The following DOCK1 variants were observed in gnomAD, a reference collection of about 807,000 sequenced individuals.
DOCK1 encodes dedicator of cytokinesis 1, also known as dedicator of cytokinesis protein 1.
Under a neutral mutation model 262.7 loss-of-function variants are expected in DOCK1, and 138 were observed. That is an observed-to-expected ratio of 0.53 (90% CI 0.46 to 0.61). The LOEUF (loss-of-function observed/expected upper bound fraction) is 0.61, where lower values mean the gene tolerates loss of function less well. DOCK1 is among the 20% of genes least tolerant of loss of function. The probability of loss-of-function intolerance (pLI) is 0.00; values close to 1 mark genes in which losing one functional copy is unlikely to be tolerated. For missense variants in DOCK1, 1,908 were observed against 2,370.7 expected, an observed-to-expected ratio of 0.80 and a Z score of 4.05; for synonymous variants, 866 against 867.4, an observed-to-expected ratio of 1.00 and a Z score of 0.03.
At chr10:126,907,433 T>C (rs1455791868) in intron 1 of DOCK1, among the ~76,000 whole-genome samples, 4 of 151,990 alleles carry the variant, frequency 2.6e-5, no homozygotes, top group Non-Finnish European at 5.9e-5. Context: ...CCATCACTGC[T>C]CCCATTCTAC....
chr10:127,169,741 C>A (rs2054390493), intron 27 of DOCK1, among the ~76,000 whole-genome samples: 1 of 152,154 alleles, frequency 6.6e-6, no homozygotes, highest in Non-Finnish European at 1.5e-5. Context: ...TAGGAGCTGA[C>A]CCTGAGCCCC....
chr10:127,101,412 A>C (rs960881184), intron 23 of DOCK1, among the ~76,000 whole-genome samples: 11 of 152,280 alleles, frequency 7.2e-5, no homozygotes, highest in Middle Eastern at 3.4e-3. Flanking sequence ...TCTGTCACCC[A>C]GGACTGATAG....
At chr10:127,351,776 G>A (rs953366695) in intron 31 of DOCK1, among the ~76,000 whole-genome samples, 1 of 152,060 alleles carries the variant, frequency 6.6e-6, no homozygotes, top group African/African-American at 2.4e-5. Context: ...TCTGGTGACA[G>A]CTGTGACTTT....
intron 23 of DOCK1, among the ~76,000 whole-genome samples, chr10:127,093,218 C>CTTTCTTTCTTTCTTTCTTTCTTTCTTTCT (rs1554883888): frequency 6.7e-5 from 3 of 44,506 alleles, no homozygotes; most frequent in African/African-American, 4.9e-4. Flanking sequence ...TTCTTTCTTT[C>CTTTCTTTCTTTCTTTCTTTCTTTCTTTCT]TTTTCTTTCT....
At chr10:127,256,733 C>T (rs938739872) in intron 28 of DOCK1, among the ~76,000 whole-genome samples, 1 of 152,146 alleles carries the variant, frequency 6.6e-6, no homozygotes, top group African/African-American at 2.4e-5. Flanking sequence ...GCGAAGTACA[C>T]AGCATCATCT....
intron 5 of DOCK1, among the ~76,000 whole-genome samples, chr10:126,989,892 A>G (rs1591552623): frequency 6.6e-6 from 1 of 152,278 alleles, no homozygotes; most frequent in Middle Eastern, 3.4e-3. Context: ...CCTCTTGCAG[A>G]AGTGTCTCTT....
chr10:127,255,102 T>C (rs566812074), intron 28 of DOCK1, among the ~76,000 whole-genome samples: 11 of 152,206 alleles, frequency 7.2e-5, no homozygotes, highest in Middle Eastern at 3.4e-3. Flanking sequence ...CTGTGAATAG[T>C]CAAACTAAAA....
chr10:127,112,401 G>T (rs547256025), intron 25 of DOCK1, among the ~76,000 whole-genome samples: 2 of 152,244 alleles, frequency 1.3e-5, no homozygotes, highest in African/African-American at 4.8e-5. Context: ...CGATGATTTT[G>T]TTAGCTTAGG....
chr10:127,358,946 C>T (rs2064277421), intron 32 of DOCK1, among the ~76,000 whole-genome samples: 1 of 152,112 alleles, frequency 6.6e-6, no homozygotes. Context: ...CTAAAATAGA[C>T]TCTAGATGGG....
At chr10:127,246,578 G>T (rs2059437991) in intron 27 of DOCK1, among the ~76,000 whole-genome samples, 1 of 152,152 alleles carries the variant, frequency 6.6e-6, no homozygotes, top group South Asian at 2.1e-4. Flanking sequence ...CACCAACTTG[G>T]AATCTAAATC....
In DOCK1 at chr10:127,032,260, A is replaced by G. The variant is rs375864195; in HGVS notation, c.1852A>G (p.Ile618Val). ...KSMQSLGSCT[I>V]SKDSFQISTL... Reference sequence around the variant, plus strand: ...CATGCAGAGCCTTGGGAGCTGCACCATTAGCAAGGACTCCTTCCAGATCTC... The same window carrying G: ...CATGCAGAGCCTTGGGAGCTGCACCGTTAGCAAGGACTCCTTCCAGATCTC... The change falls in exon 18 of 52, where the codon ATT (isoleucine) becomes GTT (valine). Residue 618 changes from isoleucine to valine, a missense_variant. By Grantham distance (29) the Ile-to-Val change is conservative. Coordinates refer to ENST00000623213, the MANE Select transcript of DOCK1 (RefSeq NM_001290223.2). The G allele has an allele frequency of 5.6e-6, 9 of 1,597,326 alleles. No homozygotes were observed. The East Asian group carries it at 6.8e-5, about 12-fold the overall frequency.
chr10:127,288,081 G>T (rs2766054), intron 29 of DOCK1, among the ~76,000 whole-genome samples: 283 of 152,250 alleles, frequency 1.9e-3, no homozygotes, highest in African/African-American at 6.5e-3. Context: ...ATAGTGAATT[G>T]GTTCCCTGGC....
intron 28 of DOCK1, among the ~76,000 whole-genome samples, chr10:127,256,302 C>T (rs1253380754): frequency 1.3e-5 from 2 of 152,210 alleles, no homozygotes; most frequent in East Asian, 1.9e-4. Context: ...TTTAGAACTT[C>T]GTACTGGGAA....
chr10:126,994,385 T>A (rs1377015507), intron 6 of DOCK1, among the ~76,000 whole-genome samples: 1 of 152,084 alleles, frequency 6.6e-6, no homozygotes, highest in Non-Finnish European at 1.5e-5. Flanking sequence ...TTTGGCAGGG[T>A]CATAGGACAA....
At chr10:127,401,709 T>C (rs768817073) in intron 38 of DOCK1, among the ~76,000 whole-genome samples, 36 of 147,158 alleles carry the variant, frequency 2.4e-4, no homozygotes, top group Non-Finnish European at 4.4e-4. Flanking sequence ...TGACCAATTA[T>C]TATTTTAGAG....
chr10:127,110,283 T>C lies in DOCK1; in HGVS notation c.2552T>C (p.Met851Thr), dbSNP rs749146009. 52 of 1,613,742 alleles carry C rather than the reference T, an allele frequency of 3.2e-5. No homozygotes were observed. The South Asian group carries it at 5.7e-4, about 18-fold the overall frequency. ...ACTGAATTCATCCTCAATGTTCCCA[T>C]GGGCTTGCTGACCATCCAGAAACTC... ...MFTEFILNVPMGLLTIQKLYC... is the reference protein window; with the variant it reads ...MFTEFILNVPTGLLTIQKLYC... Residue 851 changes from methionine to threonine, a missense_variant, in exon 25 of 52, where the codon ATG (methionine) becomes ACG (threonine). This residue lies in a region of DOCK1 where 518 missense variants were observed against 575.1 expected (regional missense o/e 0.90). Coordinates refer to ENST00000623213, the MANE Select transcript of DOCK1 (RefSeq NM_001290223.2).
intron 49 of DOCK1, among the ~76,000 whole-genome samples, chr10:127,441,615 C>A (rs1014552101): frequency 1.3e-5 from 2 of 152,086 alleles, no homozygotes; most frequent in Non-Finnish European, 2.9e-5. Flanking sequence ...ACCAGCCATG[C>A]GCAGGAGGGG....
chr10:127,125,521 C>T lies in DOCK1; in HGVS notation c.2671C>T (p.His891Tyr). The T allele has an allele frequency of 1.9e-6, 3 of 1,613,852 alleles. No homozygotes were observed. Among genetic ancestry groups the T allele is most frequent in the Non-Finnish European group, 2.5e-6 (3 of 1,179,858 alleles). Residue 891 changes from histidine to tyrosine, a missense_variant, in exon 26 of 52, where the codon CAT becomes TAT. Coordinates refer to ENST00000623213, the MANE Select transcript of DOCK1 (RefSeq NM_001290223.2). ...LPMMTDQLKYHLERQEDLEAC... is the reference protein window; with the variant it reads ...LPMMTDQLKYYLERQEDLEAC... ...CATGATGACCGATCAGCTCAAGTAC[C>T]ATCTGGAGAGACAGGAGGACCTGGA...
intron 1 of DOCK1, among the ~76,000 whole-genome samples, chr10:126,905,887 C>A (rs2030680437): frequency 6.6e-6 from 1 of 152,008 alleles, no homozygotes; most frequent in Admixed American, 6.5e-5. Context: ...CCCGGGCTAC[C>A]CCCAACTCCC....
Sources: gnomAD v4.1 joint callset for allele counts (sites outside exome capture counted in the v4.1 genomes callset) on GRCh38, gnomAD v4.1.1 for gene constraint, gnomAD v4.1.1 regional missense constraint, MANE v1.5 for transcripts, NCBI Gene and HGNC (gene_info 2026-07-23, HGNC 2026-07-21) for gene names.